Variants in DGKZ observed in about 807,000 individuals in gnomAD.
The protein encoded by DGKZ is DAG kinase zeta.
A neutral mutation model predicts 142.5 loss-of-function variants in DGKZ; 45 were observed. The ratio of observed to expected loss-of-function variants is 0.32; its 90% CI spans 0.25 to 0.40. The LOEUF (loss-of-function observed/expected upper bound fraction) is 0.40. DGKZ is among the 10% of genes least tolerant of loss of function. The pLI is 1.00. For missense variants in DGKZ, 755 were observed against 1,306.5 expected, an observed-to-expected ratio of 0.58 and a Z score of 6.51; for synonymous variants, 442 against 527.0, an observed-to-expected ratio of 0.84 and a Z score of 2.21.
At chr11:46,345,932 C>T (rs545253146), upstream of DGKZ, among the ~76,000 whole-genome samples, 1 of 152,244 alleles carries the variant, frequency 6.6e-6, no homozygotes, top group Admixed American at 6.5e-5. The surrounding 1 kb of genome is among the most constrained non-coding windows in gnomAD (Gnocchi z 4.1). Flanking sequence ...CTGATCTCTT[C>T]TCTCAGAGCT....
At chr11:46,370,101 A>C (rs1047879054) in intron 6 of DGKZ, 92 bp downstream of exon 6, 2 of 1,520,456 alleles carry the variant, frequency 1.3e-6, no homozygotes, top group African/African-American at 2.7e-5. Flanking sequence ...CACTGACCAC[A>C]CCCTGGTGTG....
chr11:46,365,195 G>A, intron 1 of DGKZ: 1 of 985,450 alleles, frequency 1.0e-6, no homozygotes, highest in Non-Finnish European at 1.2e-6. Flanking sequence ...GCTCCTGCCT[G>A]CCTGCAGGAG....
chr11:46,367,777 T>A lies in DGKZ; in HGVS notation c.366+30T>A, dbSNP rs1379206777. 6.2e-7 allele frequency: 1 copy of A among 1,610,416 alleles called. No individual in the cohort carries two copies. Among genetic ancestry groups the A allele is most frequent in the Non-Finnish European group, 8.5e-7 (1 of 1,177,850 alleles). On this transcript the variant is annotated intron_variant, in intron 3 of 30. Coordinates refer to ENST00000527911, the Ensembl canonical transcript of DGKZ. This position sits in a 1 kb window ranked among gnomAD's most constrained non-coding sequence, Gnocchi z 4.1. ...GTGCTCGTAGGGGCACGCCGCCCCCTGCTGGTGGAGCCAGTAGCCGCAGCC... is the reference window on the plus strand; with the variant it reads ...GTGCTCGTAGGGGCACGCCGCCCCCAGCTGGTGGAGCCAGTAGCCGCAGCC...
chr11:46,333,493 G>A, intron 1 of DGKZ: 5 of 1,543,008 alleles, frequency 3.2e-6, no homozygotes, highest in Non-Finnish European at 4.4e-6. Flanking sequence ...TACAGGTAAG[G>A]AGGACGTGGG....
upstream of DGKZ, chr11:46,345,168 T>G (rs575624708): frequency 1.1e-6 from 1 of 905,432 alleles, no homozygotes; most frequent in Non-Finnish European, 1.5e-6. This position sits in a 1 kb window ranked among gnomAD's most constrained non-coding sequence, Gnocchi z 4.1. Context: ...GGAGCCCAGG[T>G]GCAGATTCCA....
In DGKZ at chr11:46,371,441, G is replaced by A. The variant is rs372520113; in HGVS notation, c.643-46G>A. 205 of 1,608,024 alleles carry A rather than the reference G, an allele frequency of 1.3e-4. No individual in the cohort carries two copies. The East Asian group carries it at 1.7e-3, about 14-fold the overall frequency. On this transcript the variant is annotated intron_variant, in intron 7 of 30. Coordinates refer to ENST00000527911, the Ensembl canonical transcript of DGKZ. ...CCTGCACTGCTGGGTTTGGGTCCCCGAGTCTGAACACGGTCCCGCTGAGCC... is the reference window on the plus strand; with the variant it reads ...CCTGCACTGCTGGGTTTGGGTCCCCAAGTCTGAACACGGTCCCGCTGAGCC...
chr11:46,378,125 C>A, intron 25 of DGKZ, 73 bp from the exon 26 acceptor site: 1 of 1,553,872 alleles, frequency 6.4e-7, no homozygotes, highest in South Asian at 1.2e-5. Flanking sequence ...GAAGATGCCC[C>A]CAGTTGGGGT....
At chr11:46,359,897 C>T (rs1942447733) in intron 1 of DGKZ, among the ~76,000 whole-genome samples, 1 of 151,840 alleles carries the variant, frequency 6.6e-6, no homozygotes, top group African/African-American at 2.4e-5. Flanking sequence ...GGATTACAGG[C>T]GTGAACCACT....
At chr11:46,355,490 C>T (rs986888016) in intron 1 of DGKZ, among the ~76,000 whole-genome samples, 2 of 152,184 alleles carry the variant, frequency 1.3e-5, no homozygotes, top group African/African-American at 4.8e-5. Flanking sequence ...GCAACACTCC[C>T]TTGAGAGAGA....
At chr11:46,374,378 C>G (rs778021700) in intron 15 of DGKZ, 21 bp from the exon 16 acceptor site, 1 of 1,614,022 alleles carries the variant, frequency 6.2e-7, no homozygotes, top group South Asian at 1.1e-5. Flanking sequence ...TCACTGGCCC[C>G]CACTGCTTGT....
chr11:46,333,083 C>T lies in DGKZ; in HGVS notation c.-193C>T, dbSNP rs371183249. The T allele has an allele frequency of 7.1e-6, 3 of 422,590 alleles. No individual in the cohort carries two copies. The East Asian group carries it at 1.2e-4, about 17-fold the overall frequency. 26.2% of individuals were successfully genotyped at this position (422,590 alleles called of 1,614,324 possible). ...CCCCCGGAGCGCAGGAGGACCCCGG[C>T]CCGCCTCTCCCAGGCGCAGCGCCCA... is the stretch of plus-strand genomic sequence containing the variant. On this transcript the variant is annotated 5_prime_UTR_variant, in exon 1 of 31. Coordinates refer to the DGKZ transcript ENST00000343674.
At chr11:46,364,767 C>T (rs1186750471) in intron 1 of DGKZ, 2 of 985,346 alleles carry the variant, frequency 2.0e-6, no homozygotes, top group Non-Finnish European at 2.4e-6. Flanking sequence ...CATCCTTCCT[C>T]CTGCCCAACA....
intron 27 of DGKZ, 81 bp from the exon 28 acceptor site, chr11:46,378,910 C>G: frequency 1.3e-6 from 2 of 1,487,462 alleles, no homozygotes; most frequent in African/African-American, 2.8e-5. Flanking sequence ...GCTGGTGTAC[C>G]CGGCTGTGGG....
chr11:46,374,675 G>A lies in DGKZ; in HGVS notation c.1524+9G>A, dbSNP rs756285793. On this transcript the variant is annotated intron_variant, in intron 17 of 30. Coordinates refer to ENST00000527911, the Ensembl canonical transcript of DGKZ. The stretch of plus-strand genomic sequence containing the variant: ...AGCACATCCGAGTGGTGGTGAGCGG[G>A]GCCAGGCTGCCGTGGGTGGGTGGGC... 7 of 1,600,874 alleles carry A rather than the reference G, an allele frequency of 4.4e-6. No individual in the cohort carries two copies. The highest frequency in any genetic ancestry group is 6.0e-6 in the Non-Finnish European group (7 of 1,172,876).
chr11:46,366,302 C>A, intron 1 of DGKZ: 1 of 1,583,024 alleles, frequency 6.3e-7, no homozygotes, highest in South Asian at 1.1e-5. Context: ...GGTGCCAGGC[C>A]CTGGAGAGGG....
intron 1 of DGKZ, among the ~76,000 whole-genome samples, chr11:46,350,251 G>A (rs1336078483): frequency 6.6e-6 from 1 of 152,174 alleles, no homozygotes; most frequent in Admixed American, 6.5e-5. Context: ...CCTTTGACTT[G>A]ATGGGGCCAA....
rs183769321 is a variant in DGKZ, at chr11:46,364,130, T to C, written c.162-3161T>C. 1.5e-3 allele frequency among the ~76,000 whole-genome samples: 226 copies of C among 152,352 alleles called. 1 individual carries two copies. The highest frequency in any genetic ancestry group is 5.1e-3 in the African/African-American group (210 of 41,572). ...TTTCCTACCCCATCCCAGCCTCATG[T>C]TCCAGGAGGAAGGACCCTGCAACCC... On this transcript the variant is annotated intron_variant, in intron 1 of 30. Coordinates refer to ENST00000527911, the Ensembl canonical transcript of DGKZ.
In DGKZ at chr11:46,379,182, C is replaced by T. The variant is rs1287411124; in HGVS notation, c.2540-21C>T. Reference sequence around the variant, plus strand: ...AGGAGGGGCTGCCAGGCCTCTCTGACCACCACCTCCCCTTCTCCAGCCCCC... The same window carrying T: ...AGGAGGGGCTGCCAGGCCTCTCTGATCACCACCTCCCCTTCTCCAGCCCCC... On this transcript the variant is annotated intron_variant, in intron 28 of 30. Coordinates refer to ENST00000527911, the Ensembl canonical transcript of DGKZ. 4 of 1,612,794 alleles carry T rather than the reference C, an allele frequency of 2.5e-6. No individual in the cohort carries two copies. The South Asian group carries it at 3.3e-5, about 13-fold the overall frequency.
At chr11:46,345,547 G>T, upstream of DGKZ, 1 of 1,528,192 alleles carries the variant, frequency 6.5e-7, no homozygotes, top group Non-Finnish European at 8.8e-7. The surrounding 1 kb of genome is among the most constrained non-coding windows in gnomAD (Gnocchi z 4.1). Context: ...ACCGCTCCTG[G>T]GACGTGCCAC....
Sources: gnomAD v4.1 joint callset for allele counts (sites outside exome capture counted in the v4.1 genomes callset) on GRCh38, gnomAD v4.1.1 for gene constraint, Gnocchi (gnomAD v3.1) non-coding constraint, MANE v1.5 for transcripts, NCBI Gene and HGNC (gene_info 2026-07-23, HGNC 2026-07-21) for gene names.